Variants in MBOAT2 observed in about 807,000 individuals in gnomAD.
The protein encoded by MBOAT2 is membrane bound glycerophospholipid O-acyltransferase 2, also known as membrane-bound glycerophospholipid O-acyltransferase 2.
In MBOAT2, 28 loss-of-function variants were observed where a neutral mutation model predicts 63.4. That is an observed-to-expected ratio of 0.44 (90% CI 0.33 to 0.61). MBOAT2 has a LOEUF of 0.61. Ranked by LOEUF, MBOAT2 falls within the 20% of genes least tolerant of loss-of-function variation. MBOAT2 has a pLI of 0.03. For missense variants in MBOAT2, 470 were observed against 605.8 expected (o/e 0.78, Z 2.35); for synonymous variants, 211 against 215.6 (o/e 0.98, Z 0.19).
intron 4 of MBOAT2, among the ~76,000 whole-genome samples, chr2:8,900,258 C>T (rs762473200): frequency 3.9e-5 from 6 of 152,202 alleles, no homozygotes; most frequent in Non-Finnish European, 8.8e-5. Context: ...TTGTCCCTTT[C>T]TTCAGCTGTC....
chr2:8,985,192 T>C, intron 1 of MBOAT2, among the ~76,000 whole-genome samples: 1 of 152,158 alleles, frequency 6.6e-6, no homozygotes, highest in East Asian at 1.9e-4. Flanking sequence ...GAGAGTTAGG[T>C]CAGACACAGA....
chr2:8,870,421 T>C (rs1444722004), intron 8 of MBOAT2, among the ~76,000 whole-genome samples: 1 of 152,230 alleles, frequency 6.6e-6, no homozygotes, highest in East Asian at 1.9e-4. Flanking sequence ...TGATCCAGAA[T>C]ACATTCATAC....
intron 4 of MBOAT2, among the ~76,000 whole-genome samples, chr2:8,902,804 C>G (rs1665055468): frequency 6.6e-6 from 1 of 152,144 alleles, no homozygotes; most frequent in South Asian, 2.1e-4. Context: ...TGAGCAGCAG[C>G]AAGATTTATT....
chr2:8,950,093 T>C (rs1668722612), intron 2 of MBOAT2, among the ~76,000 whole-genome samples: 1 of 152,164 alleles, frequency 6.6e-6, no homozygotes, highest in African/African-American at 2.4e-5. Context: ...GCAAATGAGA[T>C]TACATTCTTG....
intron 4 of MBOAT2, among the ~76,000 whole-genome samples, chr2:8,888,936 A>G (rs969783688): frequency 6.6e-6 from 1 of 152,264 alleles, no homozygotes; most frequent in Non-Finnish European, 1.5e-5. Context: ...ACATTAGCTT[A>G]CAAACTATAC....
chr2:8,950,852 G>A (rs1416817667), intron 2 of MBOAT2, among the ~76,000 whole-genome samples: 1 of 152,040 alleles, frequency 6.6e-6, no homozygotes, highest in African/African-American at 2.4e-5. Context: ...ATCATGACAG[G>A]ATGTTGGATT....
chr2:8,897,277 C>A (rs1287536098), intron 4 of MBOAT2, among the ~76,000 whole-genome samples: 2 of 151,990 alleles, frequency 1.3e-5, no homozygotes, highest in Admixed American at 1.3e-4. Flanking sequence ...CTGTCTCTTT[C>A]TCTCTTTCCT....
At chr2:8,867,939 C>T (rs555212233) in intron 9 of MBOAT2, among the ~76,000 whole-genome samples, 3 of 152,300 alleles carry the variant, frequency 2.0e-5, no homozygotes, top group Non-Finnish European at 2.9e-5. Context: ...TTAATATGGC[C>T]TGTAAGAGTG....
At chr2:8,912,427 G>A (rs751961341) in intron 3 of MBOAT2, among the ~76,000 whole-genome samples, 15 of 150,456 alleles carry the variant, frequency 1.0e-4, no homozygotes, top group African/African-American at 2.2e-4. Flanking sequence ...CAGGCCGGCC[G>A]GCCTTGAAAA....
intron 1 of MBOAT2, among the ~76,000 whole-genome samples, chr2:8,999,149 C>T (rs1672513975): frequency 6.6e-6 from 1 of 152,306 alleles, no homozygotes; most frequent in Middle Eastern, 3.4e-3. Context: ...CCTTTCCCTG[C>T]CCGGAATTCA....
At chr2:8,879,777 T>C (rs1171548922) in intron 6 of MBOAT2, among the ~76,000 whole-genome samples, 2 of 152,128 alleles carry the variant, frequency 1.3e-5, no homozygotes, top group African/African-American at 4.8e-5. Context: ...GTTTGGATGA[T>C]GGGGACAATA....
At chr2:8,867,968 T>C (rs149629790) in intron 9 of MBOAT2, among the ~76,000 whole-genome samples, 8 of 152,270 alleles carry the variant, frequency 5.3e-5, no homozygotes, top group Admixed American at 5.2e-4. Flanking sequence ...TGGCCTCCAC[T>C]TCCCCAACCT....
intron 1 of MBOAT2, among the ~76,000 whole-genome samples, chr2:8,972,842 T>C (rs1670545674): frequency 6.6e-6 from 1 of 152,244 alleles, no homozygotes; most frequent in Admixed American, 6.5e-5. Flanking sequence ...CCAGTTAGAA[T>C]GGCAATCATT....
intron 3 of MBOAT2, among the ~76,000 whole-genome samples, chr2:8,927,641 A>T (rs1406204712): frequency 1.3e-5 from 2 of 152,152 alleles, no homozygotes; most frequent in African/African-American, 2.4e-5. Flanking sequence ...ATAAGGGCAC[A>T]GGCAGGAGGG....
intron 4 of MBOAT2, among the ~76,000 whole-genome samples, chr2:8,891,890 G>A (rs1434210189): frequency 1.3e-5 from 2 of 152,184 alleles, no homozygotes; most frequent in Non-Finnish European, 1.5e-5. Flanking sequence ...ACTCTGCTAA[G>A]AATGTGGGAA....
intron 3 of MBOAT2, among the ~76,000 whole-genome samples, chr2:8,940,482 G>A (rs1459140571): frequency 6.6e-6 from 1 of 152,058 alleles, no homozygotes; most frequent in Non-Finnish European, 1.5e-5. Flanking sequence ...TAGTAGAGAT[G>A]GGGTTTCCCC....
At chr2:8,899,774 A>C (rs1664775708) in intron 4 of MBOAT2, among the ~76,000 whole-genome samples, 1 of 152,132 alleles carries the variant, frequency 6.6e-6, no homozygotes. Flanking sequence ...TGAACCACCA[A>C]GGTTTGTTTG....
intron 1 of MBOAT2, among the ~76,000 whole-genome samples, chr2:8,965,889 G>A (rs566738413): frequency 1.3e-5 from 2 of 152,064 alleles, no homozygotes; most frequent in Non-Finnish European, 2.9e-5. Context: ...TAATTTTGGA[G>A]TAAAAAAACC....
At chr2:8,969,458 A>G (rs1232559745) in intron 1 of MBOAT2, among the ~76,000 whole-genome samples, 1 of 152,242 alleles carries the variant, frequency 6.6e-6, no homozygotes, top group Non-Finnish European at 1.5e-5. Context: ...AAGAAACTGC[A>G]TTAACAAATG....
Sources: allele counts gnomAD v4.1 joint callset (sites outside exome capture counted in the v4.1 genomes callset), GRCh38; gene constraint gnomAD v4.1.1; transcripts MANE v1.5; gene names NCBI Gene and HGNC (gene_info 2026-07-23, HGNC 2026-07-21).